The following FAM171B variants were observed in gnomAD, a reference collection of about 807,000 sequenced individuals.
FAM171B encodes family with sequence similarity 171 member B.
A neutral mutation model predicts 75.6 loss-of-function variants in FAM171B; 19 were observed. The ratio of observed to expected loss-of-function variants is 0.25; its 90% CI spans 0.18 to 0.37. The LOEUF (loss-of-function observed/expected upper bound fraction) is 0.37, where lower values mean the gene tolerates loss of function less well. Ranked by LOEUF, FAM171B falls within the 10% of genes least tolerant of loss-of-function variation. The pLI is 1.00. For synonymous variants in FAM171B, 367 were observed against 361.7 expected (o/e 1.01, Z -0.17); for missense variants, 848 against 982.4 (o/e 0.86, Z 1.83).
At chr2:186,696,529 C>T (rs1021353471) in intron 1 of FAM171B, among the ~76,000 whole-genome samples, 5 of 143,622 alleles carry the variant, frequency 3.5e-5, no homozygotes, top group Non-Finnish European at 6.0e-5. Context: ...CTCTCTCATA[C>T]TAGATGCCCA....
intron 4 of FAM171B, among the ~76,000 whole-genome samples, chr2:186,749,803 T>C (rs953323983): frequency 6.6e-6 from 1 of 152,174 alleles, no homozygotes; most frequent in South Asian, 2.1e-4. Flanking sequence ...TGGAAAGTTC[T>C]TGAAGGTTCT....
intron 1 of FAM171B, among the ~76,000 whole-genome samples, chr2:186,699,371 T>A (rs1689625921): frequency 6.6e-6 from 1 of 152,218 alleles, no homozygotes; most frequent in Non-Finnish European, 1.5e-5. Flanking sequence ...ATTTCTCTGA[T>A]GATCAGTGAT....
intron 1 of FAM171B, among the ~76,000 whole-genome samples, chr2:186,726,866 A>C (rs948346410): frequency 2.6e-5 from 4 of 152,134 alleles, no homozygotes; most frequent in Admixed American, 2.6e-4. Context: ...AATATTTTTC[A>C]ATGTCAACTG....
chr2:186,745,543 C>G (rs947733405), intron 3 of FAM171B, among the ~76,000 whole-genome samples: 2 of 152,034 alleles, frequency 1.3e-5, no homozygotes, highest in Non-Finnish European at 2.9e-5. Context: ...AAAAGGTGAC[C>G]CATTTGTAAG....
At chr2:186,753,154 A>AT (rs1690481043) in intron 5 of FAM171B, among the ~76,000 whole-genome samples, 1 of 151,426 alleles carries the variant, frequency 6.6e-6, no homozygotes, top group African/African-American at 2.5e-5. Flanking sequence ...TTATTTTATT[A>AT]TTATTTTTTT....
chr2:186,704,015 T>A (rs1175046274), intron 1 of FAM171B, among the ~76,000 whole-genome samples: 1 of 152,184 alleles, frequency 6.6e-6, no homozygotes, highest in African/African-American at 2.4e-5. Context: ...TCGGTTTGTA[T>A]ACCTGAAGTT....
In FAM171B at chr2:186,763,647, T is replaced by A. The variant is rs1443539434; in HGVS notation, c.*824T>A. On this transcript the variant is annotated 3_prime_UTR_variant, in exon 8 of 8. Transcript: ENST00000304698. ...ATGACTTTGGTTTAAGGCTCACTGATACTTTTAGGCTAAATTGGTTTTAAT... is the reference window on the plus strand; with the variant it reads ...ATGACTTTGGTTTAAGGCTCACTGAAACTTTTAGGCTAAATTGGTTTTAAT... The A allele has an allele frequency of 6.6e-6, 1 of 152,126 alleles. No homozygotes were observed. Among genetic ancestry groups the A allele is most frequent in the East Asian group, 1.9e-4 (1 of 5,190 alleles). 9.4% of individuals were successfully genotyped at this position (152,126 alleles called of 1,614,324 possible).
chr2:186,747,918 T>C (rs1690390676), intron 4 of FAM171B, among the ~76,000 whole-genome samples: 1 of 152,114 alleles, frequency 6.6e-6, no homozygotes, highest in Non-Finnish European at 1.5e-5. Context: ...TCCACACTTG[T>C]TCCACCATTT....
chr2:186,739,128 T>C (rs1486249218), intron 1 of FAM171B, among the ~76,000 whole-genome samples: 1 of 152,070 alleles, frequency 6.6e-6, no homozygotes, highest in Admixed American at 6.5e-5. Context: ...AGAAAGACCA[T>C]ACAAAAGATT....
At chr2:186,740,762 G>A (rs1388672421) in intron 2 of FAM171B, among the ~76,000 whole-genome samples, 1 of 151,982 alleles carries the variant, frequency 6.6e-6, no homozygotes, top group Non-Finnish European at 1.5e-5. Flanking sequence ...GGGCATTTTT[G>A]TTTATAGATG....
chr2:186,715,680 T>G (rs927586829), intron 1 of FAM171B, among the ~76,000 whole-genome samples: 2 of 152,216 alleles, frequency 1.3e-5, no homozygotes, highest in African/African-American at 4.8e-5. Context: ...ACTATGTAAT[T>G]ACCTGCTTTT....
intron 1 of FAM171B, among the ~76,000 whole-genome samples, chr2:186,705,561 G>T (rs1689722472): frequency 6.6e-6 from 1 of 152,138 alleles, no homozygotes; most frequent in African/African-American, 2.4e-5. Context: ...ACCCCTGAAA[G>T]GGGTCAGAAA....
At chr2:186,755,767 C>G (rs1690523669) in intron 6 of FAM171B, among the ~76,000 whole-genome samples, 1 of 152,164 alleles carries the variant, frequency 6.6e-6, no homozygotes, top group South Asian at 2.1e-4. Flanking sequence ...GATCCTCCCA[C>G]CTCAGCCTCT....
At chr2:186,694,748 AACACACACACACACAC>A (rs57171143) in intron 1 of FAM171B, among the ~76,000 whole-genome samples, 46 of 133,386 alleles carry the variant, frequency 3.4e-4, no homozygotes, top group Admixed American at 9.7e-4. Context: ...GAATGACTGT[AACACACACACACACAC>A]ACACACACAC....
chr2:186,724,255 C>T (rs539329463), intron 1 of FAM171B, among the ~76,000 whole-genome samples: 56 of 152,168 alleles, frequency 3.7e-4, no homozygotes, highest in Non-Finnish European at 6.3e-4. Context: ...TCTGGAGCAA[C>T]GGGGTATGCT....
At chr2:186,756,818 T>G (rs1476070942) in intron 6 of FAM171B, among the ~76,000 whole-genome samples, 2 of 151,900 alleles carry the variant, frequency 1.3e-5, no homozygotes, top group Non-Finnish European at 1.5e-5. Context: ...AAATGGGGGG[T>G]TTGCACAATT....
chr2:186,704,173 C>A (rs1485860891), intron 1 of FAM171B, among the ~76,000 whole-genome samples: 1 of 152,026 alleles, frequency 6.6e-6, no homozygotes, highest in Non-Finnish European at 1.5e-5. Flanking sequence ...GGAGGTTTAG[C>A]AGAAAACCTA....
intron 5 of FAM171B, among the ~76,000 whole-genome samples, chr2:186,753,457 AAATT>A (rs1488228547): frequency 6.6e-6 from 1 of 152,254 alleles, no homozygotes; most frequent in African/African-American, 2.4e-5. Flanking sequence ...AAAACTCACA[AAATT>A]AATAGATAAG....
chr2:186,747,342 A>AT, intron 4 of FAM171B, 92 bp downstream of exon 4: 74 of 751,840 alleles, frequency 9.8e-5, no homozygotes, highest in Middle Eastern at 8.1e-4. Flanking sequence ...AGCTTATAAT[A>AT]TATAAGCTAT....
Sources: allele counts gnomAD v4.1 joint callset (sites outside exome capture counted in the v4.1 genomes callset), GRCh38; gene constraint gnomAD v4.1.1; transcripts MANE v1.5; gene names NCBI Gene and HGNC (gene_info 2026-07-23, HGNC 2026-07-21).